Variants in LEF1 observed in about 807,000 individuals in gnomAD.
LEF1 encodes lymphoid enhancer-binding factor 1.
LEF1 carries 14 observed loss-of-function variants against 51.2 expected under a neutral mutation model. The ratio of observed to expected loss-of-function variants is 0.27; its 90% CI spans 0.18 to 0.43. The LOEUF is 0.43. Ranked by LOEUF, LEF1 falls within the 20% of genes least tolerant of loss-of-function variation. The probability of loss-of-function intolerance (pLI) is 1.00; values close to 1 mark genes in which losing one functional copy is unlikely to be tolerated. For missense variants in LEF1, 386 were observed against 512.0 expected (o/e 0.75, Z 2.37); for synonymous variants, 185 against 183.2 (o/e 1.01, Z -0.08).
chr4:108,059,507 A>G (rs1003657152), intron 11 of LEF1, among the ~76,000 whole-genome samples: 2 of 152,020 alleles, frequency 1.3e-5, no homozygotes, highest in Admixed American at 6.6e-5. Context: ...TTATACAGAC[A>G]TAGTTTTGCC....
chr4:108,057,037 GCGACACTTGGTT>G (rs1457556763), intron 11 of LEF1, among the ~76,000 whole-genome samples: 2 of 152,030 alleles, frequency 1.3e-5, no homozygotes, highest in African/African-American at 4.8e-5. Flanking sequence ...TGGCTGCCGT[GCGACACTTGGTT>G]CTCCCCAGTT....
intron 3 of LEF1, among the ~76,000 whole-genome samples, chr4:108,119,416 C>T (rs1742030656): frequency 6.6e-6 from 1 of 151,956 alleles, no homozygotes; most frequent in African/African-American, 2.4e-5. Context: ...CAAGAAATTT[C>T]TGAGTCCATA....
chr4:108,123,430 T>TG (rs1350181261), intron 3 of LEF1, among the ~76,000 whole-genome samples: 1 of 127,580 alleles, frequency 7.8e-6, no homozygotes, highest in African/African-American at 3.0e-5. Flanking sequence ...CTGCTAGGGT[T>TG]GGTTTTTTTT....
rs765488626 is a variant in LEF1 at position 108,089,251 on chromosome 4, T to C, written c.421A>G (p.Lys141Glu). The part of the protein sequence containing the change: ...LSPPIPRTSN[K>E]VPVVQPSHAV... ...TGGGATGGCTGCACCACGGGCACTT[T>C]ATTTGACTGCAAAGTAACCACAAGG... The change falls in exon 4 of 12, where the codon AAA becomes GAA. Residue 141 changes from lysine (K) to glutamate (E), a missense_variant. By Grantham distance (56) the Lys-to-Glu change is moderately conservative. Transcript: ENST00000265165. 6.2e-7 allele frequency: 1 copy of C among 1,613,570 alleles called. No individual in the cohort carries two copies. The highest frequency in any genetic ancestry group is 1.3e-5 in the African/African-American group (1 of 74,988).
Position 108,153,302 on chromosome 4 carries a change from C to T in LEF1, c.414+10266G>A, listed in dbSNP as rs571616470. ...CTGCCTCTGCAAAAGAGGCATGTGG[C>T]TTGGTGTTGTGTTCAATTTAGGAAA... On this transcript the variant is annotated intron_variant, in intron 3 of 11. Coordinates refer to ENST00000265165, the MANE Select transcript of LEF1 (RefSeq NM_016269.5). Among the ~76,000 whole-genome samples the T allele has an allele frequency of 2.6e-5, 4 of 152,312 alleles. No homozygotes were observed. The East Asian group carries it at 7.7e-4, about 29-fold the overall frequency.
chr4:108,101,120 T>G (rs1740794444), intron 3 of LEF1, among the ~76,000 whole-genome samples: 1 of 152,142 alleles, frequency 6.6e-6, no homozygotes, highest in African/African-American at 2.4e-5. Context: ...GAGAAGAGAT[T>G]TGTAGAAGAT....
At chr4:108,152,239 A>G (rs1744399506) in intron 3 of LEF1, among the ~76,000 whole-genome samples, 1 of 152,236 alleles carries the variant, frequency 6.6e-6, no homozygotes. Context: ...AGGGCATTTC[A>G]GCGAGAGCAA....
rs1024328766 is a variant in LEF1 at position 108,168,405 on chromosome 4, A to C, written c.-638T>G. ...GAAAAAGGAGCCACCCACGCTGGAG[A>C]TGTCCGTTTTAGATCTTCTTATTTT... On this transcript the variant is annotated 5_prime_UTR_variant, in exon 1 of 12. Transcript: ENST00000265165. This position sits in a 1 kb window ranked among gnomAD's most constrained non-coding sequence, Gnocchi z 4.6. 3 of 152,264 alleles carry C rather than the reference A, an allele frequency of 2.0e-5. No homozygotes were observed. The highest frequency in any genetic ancestry group is 7.2e-5 in the African/African-American group (3 of 41,434). 9.4% of individuals were successfully genotyped at this position (152,264 alleles called of 1,614,324 possible).
In LEF1 at chr4:108,144,007, G is replaced by A. The variant is rs571346511; in HGVS notation, c.414+19561C>T. ...GAAAAATAATCTCTTGAAGAACCTG[G>A]AGGGTCCTTATGCTCCTTACTGAAA... On this transcript the variant is annotated intron_variant, in intron 3 of 11. Coordinates refer to ENST00000265165, the MANE Select transcript of LEF1 (RefSeq NM_016269.5). Among the ~76,000 whole-genome samples the A allele has an allele frequency of 3.0e-4, 45 of 152,096 alleles. No homozygotes were observed. In the South Asian group the frequency reaches 8.9e-3, roughly 30 times the overall value.
intron 3 of LEF1, among the ~76,000 whole-genome samples, chr4:108,137,886 C>T (rs1012915626): frequency 6.6e-6 from 1 of 152,112 alleles, no homozygotes; most frequent in African/African-American, 2.4e-5. Context: ...AATTTTAAAA[C>T]ATTTTTCCTT....
rs185812993 is a variant in LEF1, at chr4:108,126,445, A to C, written c.414+37123T>G. ...GAATAATCATAAATTAGGATAAATT[A>C]TAACTTAATAGTTTCTCAAAATACT... On this transcript the variant is annotated intron_variant, in intron 3 of 11. Coordinates refer to ENST00000265165, the MANE Select transcript of LEF1 (RefSeq NM_016269.5). Among the ~76,000 whole-genome samples, 30 of 152,316 alleles carry C rather than the reference A, an allele frequency of 2.0e-4. No homozygotes were observed. The East Asian group carries it at 4.6e-3, about 23-fold the overall frequency.
intron 3 of LEF1, among the ~76,000 whole-genome samples, chr4:108,114,036 T>C (rs1370390415): frequency 6.6e-6 from 1 of 152,108 alleles, no homozygotes; most frequent in Non-Finnish European, 1.5e-5. Context: ...ATTCAAGAAG[T>C]TATGATTACT....
intron 3 of LEF1, among the ~76,000 whole-genome samples, chr4:108,120,730 A>T (rs547728527): frequency 6.6e-6 from 1 of 152,346 alleles, no homozygotes; most frequent in South Asian, 2.1e-4. Context: ...CCCAATGTTT[A>T]CCTGTTTCAT....
At chr4:108,094,323 T>G (rs1733377213) in intron 3 of LEF1, among the ~76,000 whole-genome samples, 1 of 152,156 alleles carries the variant, frequency 6.6e-6, no homozygotes, top group Non-Finnish European at 1.5e-5. Flanking sequence ...CAAGGAAGCT[T>G]GGTTGGCTGC....
chr4:108,157,690 A>G (rs1028262038), intron 3 of LEF1, among the ~76,000 whole-genome samples: 5 of 152,166 alleles, frequency 3.3e-5, no homozygotes, highest in East Asian at 1.9e-4. Context: ...TATTTCTCCT[A>G]CAAATGGAAA....
At chr4:108,134,599 A>G (rs1743135176) in intron 3 of LEF1, among the ~76,000 whole-genome samples, 2 of 152,206 alleles carry the variant, frequency 1.3e-5, no homozygotes, top group African/African-American at 4.8e-5. Context: ...GAAGGATTAA[A>G]CTCTTATCAA....
At chr4:108,137,820 A>G (rs1743394287) in intron 3 of LEF1, among the ~76,000 whole-genome samples, 1 of 152,190 alleles carries the variant, frequency 6.6e-6, no homozygotes, top group Non-Finnish European at 1.5e-5. Context: ...AAAACTTAAT[A>G]TTGTCCTATA....
At chr4:108,052,282 T>C (rs1379349803) in intron 11 of LEF1, among the ~76,000 whole-genome samples, 1 of 152,298 alleles carries the variant, frequency 6.6e-6, no homozygotes, top group East Asian at 1.9e-4. Flanking sequence ...TTATTCAGAA[T>C]TGGTGAGGAT....
At chr4:108,150,780 T>A (rs1021498246) in intron 3 of LEF1, among the ~76,000 whole-genome samples, 1 of 152,224 alleles carries the variant, frequency 6.6e-6, no homozygotes, top group African/African-American at 2.4e-5. Flanking sequence ...ATAGGCATAT[T>A]AGTAGCATTC....
Sources: allele counts gnomAD v4.1 joint callset (sites outside exome capture counted in the v4.1 genomes callset), GRCh38; gene constraint gnomAD v4.1.1; non-coding constraint Gnocchi (gnomAD v3.1); transcripts MANE v1.5; gene names NCBI Gene and HGNC (gene_info 2026-07-23, HGNC 2026-07-21).